The following MB21D2 variants were observed in gnomAD, a reference collection of about 807,000 sequenced individuals.
The protein encoded by MB21D2 is nucleotidyltransferase MB21D2.
In MB21D2, 9 loss-of-function variants were observed where a neutral mutation model predicts 33.3. The observed-to-expected ratio is 0.27, with a 90% CI of 0.16 to 0.47. The LOEUF is 0.47. MB21D2 is among the 20% of genes least tolerant of loss of function. The pLI is 0.99. For missense variants in MB21D2, 540 were observed against 624.6 expected, an observed-to-expected ratio of 0.86 and a Z score of 1.44; for synonymous variants, 241 against 236.3, an observed-to-expected ratio of 1.02 and a Z score of -0.18.
chr3:192,899,461 G>A (rs1032131940), intron 1 of MB21D2, among the ~76,000 whole-genome samples: 4 of 151,882 alleles, frequency 2.6e-5, no homozygotes, highest in Non-Finnish European at 5.9e-5. Flanking sequence ...CCCAGGAAGT[G>A]GAGGTTGCAG....
Position 192,917,724 on chromosome 3 carries a change from G to GA in MB21D2, c.116dup (p.Ile40HisfsTer45). 1 of 1,614,150 alleles carries GA rather than the reference G, an allele frequency of 6.2e-7. No homozygotes were observed. The highest frequency in any genetic ancestry group is 8.5e-7 in the Non-Finnish European group (1 of 1,180,040). On this transcript the variant is annotated frameshift_variant, in exon 1 of 2. Coordinates refer to ENST00000392452, the MANE Select transcript of MB21D2 (RefSeq NM_178496.4). LOFTEE classifies it high-confidence loss of function. The stretch of plus-strand genomic sequence containing the variant: ...GGTCGTGCTTCGTAAATTCTTGGAT[G>GA]AGTTTGTTCAATTCCTCCACCCGAG...
At chr3:192,857,721 G>A (rs1379455295) in intron 1 of MB21D2, among the ~76,000 whole-genome samples, 1 of 152,122 alleles carries the variant, frequency 6.6e-6, no homozygotes, top group African/African-American at 2.4e-5. Flanking sequence ...TAGGGAAGAA[G>A]ACTCCTCCTT....
intron 1 of MB21D2, among the ~76,000 whole-genome samples, chr3:192,819,468 G>A (rs1392679004): frequency 3.3e-5 from 5 of 152,196 alleles, no homozygotes; most frequent in African/African-American, 4.8e-5. Context: ...GAATGTGACA[G>A]TCAAGTGAGC....
intron 1 of MB21D2, among the ~76,000 whole-genome samples, chr3:192,849,217 C>T (rs1277406125): frequency 2.0e-5 from 3 of 151,150 alleles, no homozygotes; most frequent in Non-Finnish European, 4.4e-5. Context: ...GCCTGTTACT[C>T]GAACCTTCCG....
At chr3:192,824,255 G>T (rs1185417818) in intron 1 of MB21D2, among the ~76,000 whole-genome samples, 4 of 152,112 alleles carry the variant, frequency 2.6e-5, no homozygotes, top group Non-Finnish European at 4.4e-5. Context: ...AAAATAAATT[G>T]CTCAAGTAGG....
chr3:192,884,787 C>G (rs1293403692), intron 1 of MB21D2, among the ~76,000 whole-genome samples: 1 of 152,054 alleles, frequency 6.6e-6, no homozygotes. Flanking sequence ...CCACGCCTGC[C>G]TTCCTCATGA....
intron 1 of MB21D2, among the ~76,000 whole-genome samples, chr3:192,900,559 G>A (rs1276675521): frequency 6.6e-6 from 1 of 152,040 alleles, no homozygotes; most frequent in Non-Finnish European, 1.5e-5. Flanking sequence ...AATCTGTAAA[G>A]CTTCTTTTTT....
chr3:192,833,891 A>G (rs2108621902), intron 1 of MB21D2, among the ~76,000 whole-genome samples: 1 of 152,156 alleles, frequency 6.6e-6, no homozygotes, highest in South Asian at 2.1e-4. Flanking sequence ...AGTCCTGCAG[A>G]CTTCCCTCTC....
intron 1 of MB21D2, among the ~76,000 whole-genome samples, chr3:192,898,123 A>G (rs1251398092): frequency 6.6e-6 from 1 of 151,718 alleles, no homozygotes; most frequent in Non-Finnish European, 1.5e-5. Flanking sequence ...AATTTAAAGT[A>G]ATTTGCATAA....
chr3:192,851,491 G>GTTTTTT lies in MB21D2; in HGVS notation c.212-51847_212-51842dup, dbSNP rs34763701. ...TAAATTGTACACTTTTTTTTTGTCT[G>GTTTTTT]TTTTTTTTTTTTTTTTTTTTGGAGA... On this transcript the variant is annotated intron_variant, in intron 1 of 1. Coordinates refer to ENST00000392452, the MANE Select transcript of MB21D2 (RefSeq NM_178496.4). Among the ~76,000 whole-genome samples the GTTTTTT allele has an allele frequency of 2.9e-4, 28 of 97,618 alleles. 1 individual carries two copies. The highest frequency in any genetic ancestry group is 6.2e-4 in the African/African-American group (14 of 22,446). 64.0% of individuals were successfully genotyped at this position (97,618 alleles called of 152,430 possible). A position where few individuals can be genotyped will look rare whatever the true frequency, so the allele number is the denominator to read the frequency against.
chr3:192,897,424 T>A (rs1469198512), intron 1 of MB21D2, among the ~76,000 whole-genome samples: 2 of 152,172 alleles, frequency 1.3e-5, no homozygotes, highest in East Asian at 3.9e-4. Context: ...GTTCCCATTT[T>A]ACCAGTAACT....
chr3:192,858,214 T>C lies in MB21D2; in HGVS notation c.212-58564A>G, dbSNP rs139785996. 9.4e-4 allele frequency among the ~76,000 whole-genome samples: 143 copies of C among 152,222 alleles called. 1 individual carries two copies. The highest frequency in any genetic ancestry group is 3.4e-3 in the African/African-American group (141 of 41,520). ...GTTAAGGCCAACATGTTTTAATGCATATATCATAAGAGACACATGGGACCT... is the reference window on the plus strand; with the variant it reads ...GTTAAGGCCAACATGTTTTAATGCACATATCATAAGAGACACATGGGACCT... On this transcript the variant is annotated intron_variant, in intron 1 of 1. Coordinates refer to ENST00000392452, the MANE Select transcript of MB21D2 (RefSeq NM_178496.4).
intron 1 of MB21D2, among the ~76,000 whole-genome samples, chr3:192,900,523 G>T (rs1213537965): frequency 2.0e-5 from 3 of 151,972 alleles, no homozygotes; most frequent in African/African-American, 2.4e-5. Context: ...GGTTTGGCTG[G>T]TTTTTTCGTT....
rs1207732671 is a variant in MB21D2 at position 192,797,562 on chromosome 3, G to A, written c.*824C>T. ...CAAAATGAAAAAATGATAGAATTTC[G>A]AGAGTGGTTGTTAATTTATATTGAA... On this transcript the variant is annotated 3_prime_UTR_variant, in exon 2 of 2. Transcript: ENST00000392452. 1 of 152,576 alleles carries A rather than the reference G, an allele frequency of 6.6e-6. No individual in the cohort carries two copies. Among genetic ancestry groups the A allele is most frequent in the East Asian group, 1.9e-4 (1 of 5,194 alleles). 9.5% of individuals were successfully genotyped at this position (152,576 alleles called of 1,614,324 possible).
At chr3:192,850,784 A>G (rs570426191) in intron 1 of MB21D2, among the ~76,000 whole-genome samples, 118 of 152,356 alleles carry the variant, frequency 7.7e-4, no homozygotes, top group African/African-American at 2.6e-3. Context: ...AGTACAGCAC[A>G]CTGTAACAGA....
intron 1 of MB21D2, among the ~76,000 whole-genome samples, chr3:192,852,960 C>T (rs186907665): frequency 2.6e-5 from 4 of 152,246 alleles, no homozygotes; most frequent in Admixed American, 6.5e-5. Flanking sequence ...CATCATCTTT[C>T]ATTTCTGTTA....
At chr3:192,836,465 T>C (rs1712441628) in intron 1 of MB21D2, among the ~76,000 whole-genome samples, 1 of 152,172 alleles carries the variant, frequency 6.6e-6, no homozygotes, top group African/African-American at 2.4e-5. Context: ...AAAGAAGTGA[T>C]TAAATTAAAA....
chr3:192,801,227 C>T (rs189980994), intron 1 of MB21D2, among the ~76,000 whole-genome samples: 106 of 152,292 alleles, frequency 7.0e-4, no homozygotes, highest in African/African-American at 2.5e-3. Context: ...ACAACATATA[C>T]ATTTTCCCTC....
intron 1 of MB21D2, among the ~76,000 whole-genome samples, chr3:192,872,316 A>C (rs1247225841): frequency 2.6e-5 from 4 of 152,040 alleles, no homozygotes; most frequent in East Asian, 1.9e-4. Flanking sequence ...GGGGCTCACA[A>C]CTGTAATCCC....
Sources: allele counts gnomAD v4.1 joint callset (sites outside exome capture counted in the v4.1 genomes callset), GRCh38; gene constraint gnomAD v4.1.1; transcripts MANE v1.5; gene names NCBI Gene and HGNC (gene_info 2026-07-23, HGNC 2026-07-21).